The following GSE1 variants were observed in gnomAD, a reference collection of about 807,000 sequenced individuals.
The protein encoded by GSE1 is Gse1 coiled-coil protein.
In GSE1, 32 loss-of-function variants were observed where a neutral mutation model predicts 112.6. The observed-to-expected ratio is 0.28, with a 90% CI of 0.21 to 0.38. The LOEUF is 0.38. Among genes scored for constraint, GSE1 ranks in the 10% least tolerant of loss-of-function variants. GSE1 has a pLI of 1.00. For missense variants in GSE1, 2,348 were observed against 1,699.2 expected (o/e 1.38, Z -6.71); for synonymous variants, 1,115 against 735.6 (o/e 1.52, Z -8.35).
chr16:85,667,798 C>T (rs2052993970), intron 13 of GSE1, among the ~76,000 whole-genome samples: 1 of 152,148 alleles, frequency 6.6e-6, no homozygotes, highest in Non-Finnish European at 1.5e-5. Context: ...GGGGAAGTTG[C>T]AGTGAGCCGA....
At chr16:85,471,595 G>A (rs531785888) in intron 2 of GSE1, among the ~76,000 whole-genome samples, 1 of 152,190 alleles carries the variant, frequency 6.6e-6, no homozygotes, top group Admixed American at 6.5e-5. Context: ...TGCATTTTTT[G>A]TAGACACAGG....
At chr16:85,633,836 C>G (rs971145122) in intron 1 of GSE1, 78 bp from the exon 2 acceptor site, 7 of 1,134,120 alleles carry the variant, frequency 6.2e-6, no homozygotes, top group Non-Finnish European at 9.1e-6. Context: ...GCTGCTGACA[C>G]CGGCCCTGCC....
At chr16:85,404,187 A>C (rs1224542497) in intron 2 of GSE1, among the ~76,000 whole-genome samples, 1 of 79,550 alleles carries the variant, frequency 1.3e-5, no homozygotes, top group Non-Finnish European at 2.4e-5. Context: ...CCTCACCGTT[A>C]CACTCAGGGC....
chr16:85,365,101 G>T (rs1222562977), intron 2 of GSE1, among the ~76,000 whole-genome samples: 1 of 152,210 alleles, frequency 6.6e-6, no homozygotes, highest in Non-Finnish European at 1.5e-5. Context: ...CAGCTGTGGG[G>T]TGGGAAGCCC....
intron 1 of GSE1, among the ~76,000 whole-genome samples, chr16:85,577,328 G>A (rs1307658916): frequency 6.6e-6 from 1 of 152,218 alleles, no homozygotes; most frequent in African/African-American, 2.4e-5. Context: ...CAGGGAAGTG[G>A]GGTGTGCATT....
Position 85,518,761 on chromosome 16 carries a change from G to A in GSE1, c.2465-115153G>A, listed in dbSNP as rs925776100. 2.6e-5 allele frequency among the ~76,000 whole-genome samples: 4 copies of A among 152,152 alleles called. No homozygotes were observed. In the East Asian group the frequency reaches 7.7e-4, roughly 29 times the overall value. On this transcript the variant is annotated intron_variant, in intron 2 of 2. Transcript: ENST00000637419. ...CTCAGGTGTGCCCAGAGCTGCCACC[G>A]TGGGTTTAGCACCCCTGTGGTATAA...
At chr16:85,589,901 A>C (rs1001787505) in intron 1 of GSE1, among the ~76,000 whole-genome samples, 40 of 151,846 alleles carry the variant, frequency 2.6e-4, no homozygotes, top group African/African-American at 9.7e-4. Context: ...AATGTGTGTG[A>C]TGTGAACCTG....
At chr16:85,554,457 A>C (rs1030009405), upstream of GSE1, among the ~76,000 whole-genome samples, 3 of 152,034 alleles carry the variant, frequency 2.0e-5, no homozygotes, top group East Asian at 1.9e-4. Context: ...TATTAGGTCT[A>C]TTTGCCTGGA....
At chr16:85,263,861 C>T (rs1409671751) in intron 1 of GSE1, among the ~76,000 whole-genome samples, 2 of 152,148 alleles carry the variant, frequency 1.3e-5, no homozygotes, top group Non-Finnish European at 2.9e-5. Context: ...GCATAAGCTG[C>T]CACGCCTGGC....
chr16:85,596,697 T>C (rs1377776421), intron 1 of GSE1, among the ~76,000 whole-genome samples: 2 of 152,200 alleles, frequency 1.3e-5, no homozygotes, highest in Admixed American at 6.5e-5. Context: ...TTAGAGGCCA[T>C]GTGTGCCAGT....
At position 85,352,651 on chromosome 16, in the gene GSE1, G is replaced by A. The variant is rs183075806; in HGVS notation, c.2284-4812G>A. Reference sequence around the variant, plus strand: ...TGGCCTTAGAAGGATAAGGAAGGGGGGCCCTTTGCCTCTGTTTGATTACCT... The same window carrying A: ...TGGCCTTAGAAGGATAAGGAAGGGGAGCCCTTTGCCTCTGTTTGATTACCT... On this transcript the variant is annotated intron_variant, in intron 1 of 2. Coordinates refer to the GSE1 transcript ENST00000637419. Among the ~76,000 whole-genome samples the A allele has an allele frequency of 3.3e-5, 5 of 152,274 alleles. No individual in the cohort carries two copies. In the East Asian group the frequency reaches 9.6e-4, roughly 29 times the overall value.
chr16:85,442,443 T>TG (rs1291295725), intron 2 of GSE1, among the ~76,000 whole-genome samples: 1 of 151,086 alleles, frequency 6.6e-6, no homozygotes, highest in Non-Finnish European at 1.5e-5. Context: ...AATGAATGGA[T>TG]GAATGAATGA....
upstream of GSE1, chr16:85,555,092 A>G: frequency 1.0e-6 from 1 of 985,336 alleles, no homozygotes; most frequent in Non-Finnish European, 1.2e-6. Flanking sequence ...GATGCCGCGT[A>G]GAGACGGAAG....
intron 2 of GSE1, among the ~76,000 whole-genome samples, chr16:85,646,662 A>G (rs1177103464): frequency 6.6e-6 from 1 of 152,142 alleles, no homozygotes; most frequent in Non-Finnish European, 1.5e-5. Context: ...GCTGTGTACA[A>G]GTCCACAACC....
intron 2 of GSE1, among the ~76,000 whole-genome samples, chr16:85,507,075 G>T (rs79793282): frequency 1.3e-5 from 2 of 152,232 alleles, no homozygotes; most frequent in East Asian, 3.9e-4. Context: ...CGAGCATGTC[G>T]TGGTGACATA....
intron 1 of GSE1, among the ~76,000 whole-genome samples, chr16:85,586,619 CG>C (rs1403071876): frequency 2.0e-5 from 3 of 152,246 alleles, no homozygotes; most frequent in Non-Finnish European, 2.9e-5. Context: ...AACGTGCTCA[CG>C]GGCCCGACGC....
intron 1 of GSE1, among the ~76,000 whole-genome samples, chr16:85,234,028 G>T (rs955213571): frequency 6.6e-6 from 1 of 152,130 alleles, no homozygotes; most frequent in Non-Finnish European, 1.5e-5. Context: ...AGATTCCAAG[G>T]CCCCCTTGGG....
intron 6 of GSE1, 21 bp from the exon 7 acceptor site, chr16:85,656,322 A>C: frequency 6.2e-7 from 1 of 1,609,390 alleles, no homozygotes; most frequent in Non-Finnish European, 8.5e-7. Flanking sequence ...CAGAGCCCCC[A>C]ACTCTTTCCA....
At chr16:85,244,183 C>T (rs1242553483) in intron 1 of GSE1, among the ~76,000 whole-genome samples, 1 of 152,142 alleles carries the variant, frequency 6.6e-6, no homozygotes, top group Non-Finnish European at 1.5e-5. Flanking sequence ...TGAATTAACC[C>T]TGGATTATGC....
Sources: gnomAD v4.1 joint callset for allele counts (sites outside exome capture counted in the v4.1 genomes callset) on GRCh38, gnomAD v4.1.1 for gene constraint, MANE v1.5 for transcripts, NCBI Gene and HGNC (gene_info 2026-07-23, HGNC 2026-07-21) for gene names.